Variants in SPRED2 observed in about 807,000 individuals in gnomAD.
The protein encoded by SPRED2 is sprouty-related, EVH1 domain-containing protein 2.
SPRED2 carries 47 observed loss-of-function variants against 43.0 expected under a neutral mutation model. That is an observed-to-expected ratio of 1.09 (90% CI 0.87 to 1.40). The LOEUF (loss-of-function observed/expected upper bound fraction) is 1.40. Ranked by LOEUF, SPRED2 falls within the 40% of genes most tolerant of loss-of-function variation. The pLI is 0.00. For missense variants in SPRED2, 561 were observed against 586.4 expected, an observed-to-expected ratio of 0.96 and a Z score of 0.45; for synonymous variants, 225 against 225.7, an observed-to-expected ratio of 1.00 and a Z score of 0.03.
At chr2:65,428,900 A>T (rs1676614396) in intron 1 of SPRED2, among the ~76,000 whole-genome samples, 1 of 152,364 alleles carries the variant, frequency 6.6e-6, no homozygotes. Flanking sequence ...CTATGCACAG[A>T]GGACGACTTA....
At chr2:65,401,920 A>C (rs1675897827) in intron 1 of SPRED2, among the ~76,000 whole-genome samples, 1 of 117,638 alleles carries the variant, frequency 8.5e-6, no homozygotes, top group African/African-American at 3.2e-5. Context: ...AAACGATCAG[A>C]ATATTAGCGC....
chr2:65,406,024 A>G (rs1413497650), intron 1 of SPRED2, among the ~76,000 whole-genome samples: 1 of 152,200 alleles, frequency 6.6e-6, no homozygotes, highest in African/African-American at 2.4e-5. Context: ...CCAGGCAACC[A>G]GACTCTCCCA....
intron 1 of SPRED2, among the ~76,000 whole-genome samples, chr2:65,410,364 T>C (rs1676126573): frequency 6.6e-6 from 1 of 152,208 alleles, no homozygotes; most frequent in Non-Finnish European, 1.5e-5. Context: ...CTGGGTTCTT[T>C]AGCATCGTTC....
At chr2:65,391,195 TACACAC>T (rs70943648) in intron 1 of SPRED2, among the ~76,000 whole-genome samples, 215 of 145,632 alleles carry the variant, frequency 1.5e-3, no homozygotes, top group African/African-American at 4.3e-3. Flanking sequence ...CCTTAATGTG[TACACAC>T]ACACACACAC....
intron 1 of SPRED2, among the ~76,000 whole-genome samples, chr2:65,408,539 T>C (rs1156354140): frequency 6.6e-6 from 1 of 151,682 alleles, no homozygotes; most frequent in Admixed American, 6.6e-5. Flanking sequence ...GTATGTATAA[T>C]CCCAGTCGCC....
intron 1 of SPRED2, among the ~76,000 whole-genome samples, chr2:65,347,974 A>T (rs1339618216): frequency 6.6e-6 from 1 of 152,146 alleles, no homozygotes; most frequent in Non-Finnish European, 1.5e-5. Context: ...TGCCCAACTT[A>T]ACCCAGAAAA....
intron 1 of SPRED2, among the ~76,000 whole-genome samples, chr2:65,374,921 C>T (rs1402202130): frequency 2.6e-5 from 4 of 152,236 alleles, no homozygotes; most frequent in African/African-American, 7.2e-5. Flanking sequence ...GAGCCTAATA[C>T]AGCTTGCTGG....
At chr2:65,350,264 C>T (rs749570134) in intron 1 of SPRED2, among the ~76,000 whole-genome samples, 1 of 152,144 alleles carries the variant, frequency 6.6e-6, no homozygotes, top group South Asian at 2.1e-4. Context: ...TAAAAATTTG[C>T]ACAAGGAAAC....
At chr2:65,357,054 T>C (rs576749661) in intron 1 of SPRED2, among the ~76,000 whole-genome samples, 3 of 152,210 alleles carry the variant, frequency 2.0e-5, no homozygotes, top group East Asian at 3.9e-4. Flanking sequence ...ATTTAACCTA[T>C]AGAGGAGGGA....
intron 1 of SPRED2, among the ~76,000 whole-genome samples, chr2:65,422,012 T>C (rs773928053): frequency 6.6e-5 from 10 of 151,900 alleles, no homozygotes; most frequent in Non-Finnish European, 1.2e-4. Context: ...TCACCTGTGG[T>C]ATGTGGACAC....
chr2:65,334,670 T>C lies in SPRED2; in HGVS notation c.308A>G (p.Gln103Arg). ...VDNRKFGLTF[Q>R]SPADARAFDR... ...AAAGGCTCGGGCATCAGCAGGGCTT[T>C]GGAAAGTAAGTCCAAACTTCCTATT... The change falls in exon 3 of 6, where the codon CAA (glutamine) becomes CGA (arginine). Residue 103 changes from glutamine (Q) to arginine (R), a missense_variant. Physicochemically the swap from Gln to Arg is conservative, Grantham distance 43 (BLOSUM62 1). This residue lies in a region of SPRED2 where 305 missense variants were observed against 282.4 expected (regional missense o/e 1.08). Transcript: ENST00000356388. The C allele has an allele frequency of 6.2e-7, 1 of 1,614,264 alleles. No homozygotes were observed. The highest frequency in any genetic ancestry group is 8.5e-7 in the Non-Finnish European group (1 of 1,180,048).
chr2:65,430,754 T>C (rs928411314), intron 1 of SPRED2, among the ~76,000 whole-genome samples: 2 of 151,936 alleles, frequency 1.3e-5, no homozygotes, highest in African/African-American at 4.8e-5. Context: ...CGCCGCTACC[T>C]TGGCTAATGG....
intron 1 of SPRED2, among the ~76,000 whole-genome samples, chr2:65,397,323 A>G (rs1443849818): frequency 6.6e-6 from 1 of 152,194 alleles, no homozygotes; most frequent in African/African-American, 2.4e-5. Context: ...GCCAAGTAAT[A>G]AACCCAGCCC....
At chr2:65,357,935 T>A (rs1191001487) in intron 1 of SPRED2, among the ~76,000 whole-genome samples, 3 of 151,958 alleles carry the variant, frequency 2.0e-5, no homozygotes, top group Non-Finnish European at 4.4e-5. Context: ...AGACCACAAA[T>A]GACTTTTGAG....
intron 2 of SPRED2, among the ~76,000 whole-genome samples, chr2:65,342,305 CGT>C (rs1674213573): frequency 4.6e-5 from 6 of 130,092 alleles, no homozygotes; most frequent in Admixed American, 7.6e-5. Flanking sequence ...ATTTTGTATA[CGT>C]ATATTATGTA....
rs372731316 is a variant in SPRED2, at chr2:65,371,640, G to A, written c.27-26744C>T. Among the ~76,000 whole-genome samples the A allele has an allele frequency of 4.2e-4, 64 of 152,196 alleles. 1 individual carries two copies. Among genetic ancestry groups the A allele is most frequent in the African/African-American group, 1.5e-3 (64 of 41,526 alleles). On this transcript the variant is annotated intron_variant, in intron 1 of 5. Coordinates refer to ENST00000356388, the MANE Select transcript of SPRED2 (RefSeq NM_181784.3). ...TCAGCTATGTTTCTTAAAGTGTAAC[G>A]GGCTGGCAGAGGGGGTAAAATAAAG...
downstream of SPRED2, among the ~76,000 whole-genome samples, chr2:65,308,943 A>G (rs146218308): frequency 2.1e-3 from 326 of 152,274 alleles, 1 homozygote; most frequent in African/African-American, 7.6e-3. Flanking sequence ...AGCTGAGGTC[A>G]GGAGTTTGAG....
At chr2:65,395,940 T>A (rs1055216108) in intron 1 of SPRED2, among the ~76,000 whole-genome samples, 2 of 152,172 alleles carry the variant, frequency 1.3e-5, no homozygotes, top group African/African-American at 4.8e-5. Flanking sequence ...TCTCTTCAAA[T>A]TACTCCTTTT....
intron 1 of SPRED2, among the ~76,000 whole-genome samples, chr2:65,367,472 T>TA (rs61458525): frequency 2.6e-5 from 4 of 152,084 alleles, no homozygotes; most frequent in Non-Finnish European, 4.4e-5. Flanking sequence ...TTTTAAAAAT[T>TA]AAAAAAAATT....
Sources: gnomAD v4.1 joint callset for allele counts (sites outside exome capture counted in the v4.1 genomes callset) on GRCh38, gnomAD v4.1.1 for gene constraint, gnomAD v4.1.1 regional missense constraint, MANE v1.5 for transcripts, NCBI Gene and HGNC (gene_info 2026-07-23, HGNC 2026-07-21) for gene names.